Variants in PPM1B observed in about 807,000 individuals in gnomAD.
PPM1B encodes protein phosphatase 1B.
In PPM1B, 22 loss-of-function variants were observed where a neutral mutation model predicts 43.0. The ratio of observed to expected loss-of-function variants is 0.51; its 90% CI spans 0.37 to 0.73. The LOEUF (loss-of-function observed/expected upper bound fraction) is 0.73, where lower values mean the gene tolerates loss of function less well. PPM1B is among the 30% of genes least tolerant of loss of function. PPM1B has a pLI of 0.00. For synonymous variants in PPM1B, 217 were observed against 197.9 expected (o/e 1.10, Z -0.81); for missense variants, 632 against 584.2 (o/e 1.08, Z -0.84).
intron 1 of PPM1B, among the ~76,000 whole-genome samples, chr2:44,176,067 A>T (rs1295228855): frequency 6.6e-6 from 1 of 152,132 alleles, no homozygotes; most frequent in African/African-American, 2.4e-5. Flanking sequence ...TACAGGCGTG[A>T]GTCACCATGC....
At chr2:44,223,668 T>C (rs1670076334) in intron 5 of PPM1B, among the ~76,000 whole-genome samples, 1 of 150,902 alleles carries the variant, frequency 6.6e-6, no homozygotes, top group South Asian at 2.1e-4. Context: ...AAAACAAAAT[T>C]AGCCAGGCGT....
intron 1 of PPM1B, among the ~76,000 whole-genome samples, chr2:44,184,290 G>A (rs1243192439): frequency 6.6e-6 from 1 of 152,176 alleles, no homozygotes; most frequent in African/African-American, 2.4e-5. Flanking sequence ...ATTTGACGCA[G>A]TTTATCACTT....
intron 2 of PPM1B, among the ~76,000 whole-genome samples, chr2:44,204,716 G>T (rs1292778245): frequency 6.6e-6 from 1 of 151,654 alleles, no homozygotes; most frequent in East Asian, 1.9e-4. Context: ...AAAATCGGCC[G>T]GGCGTTGTGG....
intron 3 of PPM1B, among the ~76,000 whole-genome samples, chr2:44,210,662 A>G (rs1669418865): frequency 6.6e-6 from 1 of 151,824 alleles, no homozygotes; most frequent in Admixed American, 6.6e-5. Context: ...TAACATTCTC[A>G]TTTTCTGTCT....
chr2:44,240,037 G>C (rs1670713195), intron 5 of PPM1B, among the ~76,000 whole-genome samples: 1 of 113,820 alleles, frequency 8.8e-6, no homozygotes, highest in Non-Finnish European at 2.1e-5. Context: ...TCAAGACAAG[G>C]TCTCACTCTG....
At chr2:44,229,637 A>G (rs1345326520) in intron 5 of PPM1B, among the ~76,000 whole-genome samples, 2 of 152,228 alleles carry the variant, frequency 1.3e-5, no homozygotes, top group African/African-American at 4.8e-5. Context: ...GCACGAATAC[A>G]GGACATGACT....
rs1248856735 is a variant in PPM1B at position 44,201,157 on chromosome 2, A to G, written c.-14-29A>G. ...TACATACATTTTCTGTCAAATTTAA[A>G]CATTTAACACCTGCATTTTTTATTT... On this transcript the variant is annotated intron_variant, in intron 1 of 5. Transcript: ENST00000282412. The surrounding 1 kb of genome is among the most constrained non-coding windows in gnomAD (Gnocchi z 5.4). The G allele has an allele frequency of 1.3e-6, 2 of 1,531,568 alleles. No homozygotes were observed. Among genetic ancestry groups the G allele is most frequent in the African/African-American group, 2.8e-5 (2 of 72,342 alleles). The allele number at this position is 1,531,568 out of a possible 1,614,324, so 94.9% of individuals were successfully genotyped here.
chr2:44,223,567 T>C (rs1034282030), intron 5 of PPM1B, among the ~76,000 whole-genome samples: 3 of 151,868 alleles, frequency 2.0e-5, no homozygotes, highest in African/African-American at 7.3e-5. Flanking sequence ...GCCAGCACTT[T>C]GGGAGGGCGA....
intron 5 of PPM1B, among the ~76,000 whole-genome samples, chr2:44,224,806 T>G (rs991220111): frequency 6.6e-6 from 1 of 152,204 alleles, no homozygotes; most frequent in South Asian, 2.1e-4. Flanking sequence ...GATAGTTTAA[T>G]CAACATAACT....
chr2:44,217,024 A>C (rs1669752433), intron 3 of PPM1B, among the ~76,000 whole-genome samples: 1 of 152,036 alleles, frequency 6.6e-6, no homozygotes, highest in African/African-American at 2.4e-5. Context: ...GATCCTTTGG[A>C]GATGAGGGAG....
In PPM1B at chr2:44,243,556, C is replaced by G. The variant is rs567985422; in HGVS notation, n.1547-672C>G. Among the ~76,000 whole-genome samples, 3 of 152,162 alleles carry G rather than the reference C, an allele frequency of 2.0e-5. No individual in the cohort carries two copies. The South Asian group carries it at 6.2e-4, about 32-fold the overall frequency. Reference sequence around the variant, plus strand: ...TGGAACTTATTTCTGAGGTAAAAATCTAATATAACATTTTCCTATAGATTT... The same window carrying G: ...TGGAACTTATTTCTGAGGTAAAAATGTAATATAACATTTTCCTATAGATTT... On this transcript the variant is annotated intron_variant and non_coding_transcript_variant, in intron 5 of 5. Coordinates refer to the PPM1B transcript ENST00000378540.
intron 1 of PPM1B, among the ~76,000 whole-genome samples, chr2:44,189,586 C>A (rs903888290): frequency 1.1e-4 from 17 of 152,270 alleles, no homozygotes; most frequent in Non-Finnish European, 2.4e-4. Flanking sequence ...GCCTCAGCCT[C>A]CCAAGTAGCT....
chr2:44,236,402 C>CAAAAAAAAAAAAAAAA (rs61414038), downstream of PPM1B, among the ~76,000 whole-genome samples: 3,372 of 47,416 alleles, frequency 0.071, 845 homozygotes, highest in Non-Finnish European at 0.1. Context: ...GACTCCGTCT[C>CAAAAAAAAAAAAAAAA]AAAAAAAAAA....
intron 1 of PPM1B, among the ~76,000 whole-genome samples, chr2:44,184,269 C>T (rs2104033706): frequency 6.6e-6 from 1 of 152,284 alleles, no homozygotes; most frequent in East Asian, 1.9e-4. Context: ...GGACATTGAC[C>T]TGTTAGCAGC....
chr2:44,212,988 G>A (rs1213804983), intron 3 of PPM1B, among the ~76,000 whole-genome samples: 1 of 148,472 alleles, frequency 6.7e-6, no homozygotes, highest in Admixed American at 6.7e-5. Flanking sequence ...ACTCCAGGCT[G>A]GGCGACAGAG....
chr2:44,172,501 A>C (rs373843180), intron 1 of PPM1B, among the ~76,000 whole-genome samples: 1 of 152,204 alleles, frequency 6.6e-6, no homozygotes, highest in African/African-American at 2.4e-5. Flanking sequence ...AAGGTACATG[A>C]GCTTCATAAT....
intron 1 of PPM1B, among the ~76,000 whole-genome samples, chr2:44,178,481 T>C (rs1215097822): frequency 1.3e-5 from 2 of 148,404 alleles, no homozygotes; most frequent in South Asian, 4.2e-4. Context: ...TATATTTTTT[T>C]TTTTAGACAG....
chr2:44,246,206 C>A (rs1481261904), downstream of PPM1B, among the ~76,000 whole-genome samples: 1 of 152,104 alleles, frequency 6.6e-6, no homozygotes, highest in African/African-American at 2.4e-5. Context: ...CTCCTTTATT[C>A]TCATTAATAC....
downstream of PPM1B, among the ~76,000 whole-genome samples, chr2:44,237,518 G>A (rs979813278): frequency 1.1e-4 from 16 of 152,170 alleles, no homozygotes; most frequent in African/African-American, 3.4e-4. Context: ...TCAGAGGTGA[G>A]GGGCACTTAG....
Sources: allele counts gnomAD v4.1 joint callset (sites outside exome capture counted in the v4.1 genomes callset), GRCh38; gene constraint gnomAD v4.1.1; non-coding constraint Gnocchi (gnomAD v3.1); transcripts MANE v1.5; gene names NCBI Gene and HGNC (gene_info 2026-07-23, HGNC 2026-07-21).